Variants in JAKMIP2 observed in about 807,000 individuals in gnomAD.
JAKMIP2 encodes the protein janus kinase and microtubule-interacting protein 2.
Under a neutral mutation model 115.0 loss-of-function variants are expected in JAKMIP2, and 25 were observed. The ratio of observed to expected loss-of-function variants is 0.22; its 90% CI spans 0.16 to 0.30. JAKMIP2 has a LOEUF of 0.30. Ranked by LOEUF, JAKMIP2 falls within the 10% of genes least tolerant of loss-of-function variation. The pLI, the probability that JAKMIP2 is intolerant of heterozygous loss-of-function variation, is 1.00. For synonymous variants in JAKMIP2, 334 were observed against 343.6 expected, an observed-to-expected ratio of 0.97 and a Z score of 0.31; for missense variants, 642 against 957.6, an observed-to-expected ratio of 0.67 and a Z score of 4.35.
chr5:147,734,432 C>T (rs1381867944), intron 1 of JAKMIP2, among the ~76,000 whole-genome samples: 1 of 138,298 alleles, frequency 7.2e-6, no homozygotes, highest in Non-Finnish European at 1.5e-5. Flanking sequence ...TGTTCTCACT[C>T]ATAAGTGGGA....
intron 1 of JAKMIP2, among the ~76,000 whole-genome samples, chr5:147,757,500 G>A (rs1388926119): frequency 6.6e-6 from 1 of 152,050 alleles, no homozygotes; most frequent in Non-Finnish European, 1.5e-5. Context: ...ACTGAGTCAG[G>A]GATGGGATCC....
At chr5:147,623,473 A>AT (rs953806252) in intron 17 of JAKMIP2, 148 bp downstream of exon 17, 111 of 487,490 alleles carry the variant, frequency 2.3e-4, no homozygotes, top group African/African-American at 1.9e-3. Context: ...ACTTCTGGTA[A>AT]TTTTTTTTCC....
intron 1 of JAKMIP2, among the ~76,000 whole-genome samples, chr5:147,757,716 G>A (rs766082828): frequency 6.6e-6 from 1 of 152,008 alleles, no homozygotes; most frequent in Non-Finnish European, 1.5e-5. Context: ...TATCAGACAT[G>A]GTAAGAATTT....
intron 1 of JAKMIP2, among the ~76,000 whole-genome samples, chr5:147,706,274 G>T (rs904291077): frequency 3.9e-5 from 6 of 152,138 alleles, no homozygotes; most frequent in African/African-American, 1.4e-4. Flanking sequence ...AGGGATACTG[G>T]TTTTTTCCAT....
chr5:147,684,865 A>G (rs988135067), intron 1 of JAKMIP2, among the ~76,000 whole-genome samples: 14 of 152,180 alleles, frequency 9.2e-5, no homozygotes, highest in African/African-American at 3.4e-4. Context: ...ATAAAAAATG[A>G]AGCTTGGATT....
At chr5:147,709,213 A>C (rs988017660) in intron 1 of JAKMIP2, among the ~76,000 whole-genome samples, 8 of 152,200 alleles carry the variant, frequency 5.3e-5, no homozygotes, top group Non-Finnish European at 1.2e-4. Flanking sequence ...GAAAAATTAA[A>C]TTACATTAGC....
chr5:147,659,084 C>A (rs1411913074), intron 3 of JAKMIP2, among the ~76,000 whole-genome samples: 1 of 142,020 alleles, frequency 7.0e-6, no homozygotes, highest in Non-Finnish European at 1.5e-5. Context: ...CCAGGCATCG[C>A]TGGAGTATGA....
At chr5:147,637,693 G>A (rs570247997) in intron 10 of JAKMIP2, among the ~76,000 whole-genome samples, 251 of 152,072 alleles carry the variant, frequency 1.7e-3, no homozygotes, top group African/African-American at 5.7e-3. Context: ...ACCCGTCTCC[G>A]CCTCCCAAAG....
intron 1 of JAKMIP2, among the ~76,000 whole-genome samples, chr5:147,730,448 AT>A (rs10690155): frequency 0.13 from 18,684 of 145,154 alleles, 1,646 homozygotes; most frequent in East Asian, 0.37. Flanking sequence ...ATCTTGCCCT[AT>A]TTTTTTTTTT....
At chr5:147,754,492 G>C (rs1023765421) in intron 1 of JAKMIP2, among the ~76,000 whole-genome samples, 2 of 152,174 alleles carry the variant, frequency 1.3e-5, no homozygotes, top group African/African-American at 4.8e-5. Flanking sequence ...TGAGGACATG[G>C]TGGCAGAGCT....
chr5:147,590,863 A>G lies in JAKMIP2; in HGVS notation c.*844T>C, dbSNP rs574375134. The stretch of plus-strand genomic sequence containing the variant: ...TGAATGAGATCAGTCCATTGTTGAT[A>G]GAGGAATGCAGATGTGAGAGTAGGA... On this transcript the variant is annotated 3_prime_UTR_variant, in exon 22 of 22. Coordinates refer to ENST00000616793, the MANE Select transcript of JAKMIP2 (RefSeq NM_001270941.2). 10 of 152,322 alleles carry G rather than the reference A, an allele frequency of 6.6e-5. No individual in the cohort carries two copies. Among genetic ancestry groups the G allele is most frequent in the African/African-American group, 2.4e-4 (10 of 41,570 alleles). The allele number at this position is 152,322 out of a possible 1,614,324, so 9.4% of individuals were successfully genotyped here.
intron 21 of JAKMIP2, chr5:147,595,406 C>T (rs1273751288): frequency 4.4e-6 from 2 of 456,496 alleles, no homozygotes; most frequent in Non-Finnish European, 8.8e-6. Flanking sequence ...CCCTCTGTTC[C>T]TTCTGTCCTG....
At chr5:147,666,962 CCAA>C (rs1250916663) in intron 2 of JAKMIP2, among the ~76,000 whole-genome samples, 8 of 151,920 alleles carry the variant, frequency 5.3e-5, no homozygotes, top group Admixed American at 1.3e-4. Flanking sequence ...TACATTAATA[CCAA>C]CAACATAAAT....
At chr5:147,597,961 C>T (rs1755480320) in intron 21 of JAKMIP2, among the ~76,000 whole-genome samples, 1 of 147,460 alleles carries the variant, frequency 6.8e-6, no homozygotes, top group African/African-American at 2.7e-5. Context: ...AGTTACACCT[C>T]TGGCTTCCTT....
At chr5:147,618,306 G>T (rs1358049222) in intron 18 of JAKMIP2, among the ~76,000 whole-genome samples, 192 bp from the exon 19 acceptor site, 1 of 152,164 alleles carries the variant, frequency 6.6e-6, no homozygotes, top group Non-Finnish European at 1.5e-5. Flanking sequence ...TTCCATAAGG[G>T]TCATCTAGCC....
intron 19 of JAKMIP2, among the ~76,000 whole-genome samples, chr5:147,614,182 T>G (rs1005620072): frequency 2.0e-5 from 3 of 152,214 alleles, no homozygotes; most frequent in African/African-American, 7.2e-5. Context: ...CTCTGCTGAA[T>G]GTAATGGACA....
At chr5:147,619,933 A>T (rs1756769152) in intron 18 of JAKMIP2, among the ~76,000 whole-genome samples, 1 of 152,222 alleles carries the variant, frequency 6.6e-6, no homozygotes, top group Admixed American at 6.5e-5. Context: ...GTAAGAGATA[A>T]ATGAATTAAA....
intron 2 of JAKMIP2, among the ~76,000 whole-genome samples, chr5:147,671,328 T>C (rs1759574274): frequency 6.6e-6 from 1 of 152,188 alleles, no homozygotes; most frequent in African/African-American, 2.4e-5. Context: ...CTCTGGGAGT[T>C]AATAACCTAT....
intron 1 of JAKMIP2, among the ~76,000 whole-genome samples, chr5:147,777,394 G>T (rs971310655): frequency 2.0e-5 from 3 of 152,066 alleles, no homozygotes; most frequent in Admixed American, 6.6e-5. Context: ...ACGGATAGAT[G>T]GCCACTATAC....
Sources: allele counts gnomAD v4.1 joint callset (sites outside exome capture counted in the v4.1 genomes callset), GRCh38; gene constraint gnomAD v4.1.1; transcripts MANE v1.5; gene names NCBI Gene and HGNC (gene_info 2026-07-23, HGNC 2026-07-21).